Variants in ADGRL3 observed in about 807,000 individuals in gnomAD.
ADGRL3 encodes the protein calcium-independent alpha-latrotoxin receptor 3.
A neutral mutation model predicts 153.5 loss-of-function variants in ADGRL3; 62 were observed. That is an observed-to-expected ratio of 0.40 (90% CI 0.33 to 0.50). The LOEUF is 0.50. Ranked by LOEUF, ADGRL3 falls within the 20% of genes least tolerant of loss-of-function variation. ADGRL3 has a pLI of 0.47. For missense variants in ADGRL3, 1,641 were observed against 1,859.4 expected (o/e 0.88, Z 2.16); for synonymous variants, 710 against 672.5 (o/e 1.06, Z -0.86).
At position 61,780,199 on chromosome 4, in the gene ADGRL3, C is replaced by T. The variant is rs538490980; in HGVS notation, c.1400-33610C>T. On this transcript the variant is annotated intron_variant, in intron 8 of 26. Coordinates refer to ENST00000683033, the MANE Select transcript of ADGRL3 (RefSeq NM_001387552.1). ...TAAATGACCCTGTTTTGTGTCCTCA[C>T]AGAATTACTGCCTGTATGGTTGACA... Among the ~76,000 whole-genome samples the T allele has an allele frequency of 3.3e-5, 5 of 152,294 alleles. No individual in the cohort carries two copies. In the South Asian group the frequency reaches 1.0e-3, roughly 32 times the overall value.
In ADGRL3 at chr4:61,936,198, A is replaced by G. The variant is rs140089978; in HGVS notation, c.2419+153A>G. Among the ~76,000 whole-genome samples, 404 of 151,982 alleles carry G rather than the reference A, an allele frequency of 2.7e-3. 1 individual carries two copies. The highest frequency in any genetic ancestry group is 9.3e-3 in the African/African-American group (384 of 41,432). On this transcript the variant is annotated intron_variant, in intron 15 of 26. Transcript: ENST00000683033. The stretch of plus-strand genomic sequence containing the variant: ...TTCTCCTCCTCTTCCTCCTCTTTCT[A>G]CTGTACAGCACCATCAATATTACAG...
chr4:61,867,026 A>T (rs920506807), intron 9 of ADGRL3, among the ~76,000 whole-genome samples: 2 of 152,184 alleles, frequency 1.3e-5, no homozygotes, highest in African/African-American at 2.4e-5. Flanking sequence ...TAGTTACAAC[A>T]TGGAAAATTC....
chr4:61,600,215 G>A (rs1171517412), intron 5 of ADGRL3, among the ~76,000 whole-genome samples: 1 of 145,744 alleles, frequency 6.9e-6, no homozygotes, highest in African/African-American at 2.6e-5. Context: ...GGCTGAGGCA[G>A]GAGAATCGCT....
At chr4:61,874,161 C>A (rs2098460785) in intron 9 of ADGRL3, among the ~76,000 whole-genome samples, 1 of 152,132 alleles carries the variant, frequency 6.6e-6, no homozygotes, top group African/African-American at 2.4e-5. Flanking sequence ...AATCCTAGTG[C>A]TACTCTGGAT....
intron 4 of ADGRL3, among the ~76,000 whole-genome samples, chr4:61,551,933 C>A (rs984339046): frequency 2.0e-5 from 3 of 151,996 alleles, no homozygotes; most frequent in Non-Finnish European, 4.4e-5. Flanking sequence ...TGTGGGATGG[C>A]CTCAAAATTA....
Position 61,750,488 on chromosome 4 carries a change from G to C in ADGRL3, c.1399+16934G>C, listed in dbSNP as rs953052431. ...AAACAAGGTAAGGAAAAGCAGGATG[G>C]ACATATATTAGAACTGAAGTCGGCC... is the stretch of plus-strand genomic sequence containing the variant. On this transcript the variant is annotated intron_variant, in intron 8 of 26. Transcript: ENST00000683033. Among the ~76,000 whole-genome samples the C allele has an allele frequency of 3.3e-5, 5 of 152,296 alleles. 1 individual carries two copies. Among genetic ancestry groups the C allele is most frequent in the South Asian group, 2.1e-4 (1 of 4,824 alleles).
chr4:61,224,707 C>A (rs899981378), intron 1 of ADGRL3, among the ~76,000 whole-genome samples: 4 of 152,292 alleles, frequency 2.6e-5, no homozygotes, highest in African/African-American at 7.2e-5. Flanking sequence ...CCAGACTCAG[C>A]GGCCTGGCTA....
chr4:61,864,436 A>G (rs1490790428), intron 9 of ADGRL3, among the ~76,000 whole-genome samples: 2 of 151,334 alleles, frequency 1.3e-5, no homozygotes, highest in African/African-American at 2.4e-5. Context: ...TGTCAAACAT[A>G]AAACCTTGGC....
At chr4:61,339,499 C>A (rs2095758044) in intron 1 of ADGRL3, among the ~76,000 whole-genome samples, 1 of 152,060 alleles carries the variant, frequency 6.6e-6, no homozygotes, top group Non-Finnish European at 1.5e-5. Flanking sequence ...TTACTTGATC[C>A]AGGAATGGAC....
intron 4 of ADGRL3, among the ~76,000 whole-genome samples, chr4:61,522,092 G>A (rs1312680580): frequency 6.6e-6 from 1 of 152,040 alleles, no homozygotes; most frequent in Non-Finnish European, 1.5e-5. Context: ...ACCTAGCAGG[G>A]ATATAGTGGA....
intron 4 of ADGRL3, among the ~76,000 whole-genome samples, chr4:61,538,266 A>ATAGC (rs3075145): frequency 0.3 from 45,357 of 151,706 alleles, 6,951 homozygotes; most frequent in South Asian, 0.4. Flanking sequence ...TTTGTTGTGA[A>ATAGC]TAGCTATTGT....
chr4:61,640,467 AC>A, intron 5 of ADGRL3, among the ~76,000 whole-genome samples: 1 of 151,848 alleles, frequency 6.6e-6, no homozygotes, highest in Admixed American at 6.6e-5. Flanking sequence ...TTGAGAGCAA[AC>A]CCTCTTTGCT....
chr4:61,900,846 GT>G (rs949911315), intron 11 of ADGRL3, among the ~76,000 whole-genome samples: 1 of 152,114 alleles, frequency 6.6e-6, no homozygotes, highest in African/African-American at 2.4e-5. Context: ...AAAGTTTCCA[GT>G]TTTTATTGAA....
intron 3 of ADGRL3, among the ~76,000 whole-genome samples, chr4:61,498,244 CA>C (rs761194705): frequency 8.6e-5 from 13 of 151,914 alleles, no homozygotes; most frequent in African/African-American, 1.5e-4. Flanking sequence ...TGCAAAAACA[CA>C]AACAAATAAA....
chr4:61,480,583 C>T (rs192066845), intron 2 of ADGRL3, among the ~76,000 whole-genome samples: 1 of 97,984 alleles, frequency 1.0e-5, no homozygotes, highest in Non-Finnish European at 2.1e-5. Context: ...GTCAGGAGTT[C>T]GACCAGCCTG....
At chr4:61,696,771 G>T (rs1194043081) in intron 6 of ADGRL3, among the ~76,000 whole-genome samples, 2 of 149,692 alleles carry the variant, frequency 1.3e-5, no homozygotes, top group African/African-American at 4.9e-5. Flanking sequence ...TACCTCCCGG[G>T]TTCAAGCAAT....
chr4:61,806,950 A>G (rs1386027040), intron 8 of ADGRL3, among the ~76,000 whole-genome samples: 1 of 152,026 alleles, frequency 6.6e-6, no homozygotes, highest in Admixed American at 6.6e-5. Flanking sequence ...AGTCACCCCA[A>G]AGAGATTTTA....
At chr4:61,863,444 A>G (rs2098368497) in intron 9 of ADGRL3, among the ~76,000 whole-genome samples, 1 of 151,454 alleles carries the variant, frequency 6.6e-6, no homozygotes, top group Admixed American at 6.6e-5. Context: ...TCACCGTTTT[A>G]GCCGGGATGG....
chr4:62,059,558 G>T (rs1042197131), intron 25 of ADGRL3, among the ~76,000 whole-genome samples: 1 of 152,088 alleles, frequency 6.6e-6, no homozygotes, highest in Non-Finnish European at 1.5e-5. Flanking sequence ...GGAGGGACAT[G>T]CATTTTCCTT....
Sources: gnomAD v4.1 joint callset for allele counts (sites outside exome capture counted in the v4.1 genomes callset) on GRCh38, gnomAD v4.1.1 for gene constraint, MANE v1.5 for transcripts, NCBI Gene and HGNC (gene_info 2026-07-23, HGNC 2026-07-21) for gene names.